The following LUZP2 variants were observed in gnomAD, a reference collection of about 807,000 sequenced individuals.
The protein encoded by LUZP2 is leucine zipper protein 2.
A neutral mutation model predicts 51.6 loss-of-function variants in LUZP2; 52 were observed. The observed-to-expected ratio is 1.01, with a 90% CI of 0.81 to 1.27. LUZP2 has a LOEUF of 1.27. LUZP2 is among the 50% of genes most tolerant of loss of function. The probability of loss-of-function intolerance (pLI) is 0.00; values close to 1 mark genes in which losing one functional copy is unlikely to be tolerated. For missense variants in LUZP2, 436 were observed against 395.4 expected (o/e 1.10, Z -0.87); for synonymous variants, 154 against 137.3 (o/e 1.12, Z -0.85).
At chr11:24,661,743 T>C (rs148613653) in intron 1 of LUZP2, among the ~76,000 whole-genome samples, 18 of 152,288 alleles carry the variant, frequency 1.2e-4, no homozygotes, top group African/African-American at 4.1e-4. Flanking sequence ...AAAGCTTTTA[T>C]AAATATGGTG....
chr11:25,032,788 G>C (rs1314637406), intron 9 of LUZP2, among the ~76,000 whole-genome samples: 1 of 152,156 alleles, frequency 6.6e-6, no homozygotes, highest in African/African-American at 2.4e-5. Flanking sequence ...CCCATAGTTT[G>C]TTGCAAGGGG....
chr11:25,067,818 T>C (rs1282094948), intron 10 of LUZP2, among the ~76,000 whole-genome samples: 4 of 151,858 alleles, frequency 2.6e-5, no homozygotes, highest in Non-Finnish European at 4.4e-5. Flanking sequence ...CCCATTACTA[T>C]GTACCCGAAG....
At chr11:24,840,480 G>A (rs181792374) in intron 5 of LUZP2, among the ~76,000 whole-genome samples, 2 of 151,906 alleles carry the variant, frequency 1.3e-5, no homozygotes, top group Admixed American at 1.3e-4. Context: ...TTTGTAGATG[G>A]GAAAGCACTA....
At position 24,514,221 on chromosome 11, in the gene LUZP2, T is replaced by C. The variant is rs377713824; in HGVS notation, c.62+16916T>C. ...GAGTAACTAGTTGGTTGTGTGTGTG[T>C]GTGTTTTCTTTTCTGGCAATTAAAA... is the stretch of plus-strand genomic sequence containing the variant. On this transcript the variant is annotated intron_variant, in intron 1 of 11. Transcript: ENST00000336930. Among the ~76,000 whole-genome samples, 11 of 152,282 alleles carry C rather than the reference T, an allele frequency of 7.2e-5. 1 individual carries two copies. The highest frequency in any genetic ancestry group is 2.4e-4 in the African/African-American group (10 of 41,554).
At chr11:25,060,828 T>C (rs1009282543) in intron 10 of LUZP2, among the ~76,000 whole-genome samples, 4 of 152,186 alleles carry the variant, frequency 2.6e-5, no homozygotes, top group African/African-American at 9.6e-5. Context: ...ATTCCTCTTC[T>C]TGTTTCTTCC....
At chr11:24,522,351 T>A (rs1850668570) in intron 1 of LUZP2, among the ~76,000 whole-genome samples, 1 of 152,142 alleles carries the variant, frequency 6.6e-6, no homozygotes, top group Non-Finnish European at 1.5e-5. Flanking sequence ...TTTTTGTTTT[T>A]TTGCTTTTTT....
chr11:24,509,913 A>G (rs1206313508), intron 1 of LUZP2, among the ~76,000 whole-genome samples: 1 of 152,176 alleles, frequency 6.6e-6, no homozygotes, highest in African/African-American at 2.4e-5. Context: ...CATAACATTA[A>G]GTGAATTCTC....
chr11:24,963,177 G>A (rs1299473505), intron 7 of LUZP2, among the ~76,000 whole-genome samples: 9 of 152,284 alleles, frequency 5.9e-5, no homozygotes, highest in South Asian at 4.1e-4. Flanking sequence ...CCCCTACTGG[G>A]GGGTACCTCC....
intron 1 of LUZP2, among the ~76,000 whole-genome samples, chr11:24,635,727 C>T (rs1855076794): frequency 6.6e-6 from 1 of 151,970 alleles, no homozygotes; most frequent in African/African-American, 2.4e-5. Flanking sequence ...GCTGTCAGAC[C>T]CTGTGAAACT....
intron 1 of LUZP2, among the ~76,000 whole-genome samples, chr11:24,676,548 TAGGA>T (rs1856557670): frequency 6.6e-6 from 1 of 152,150 alleles, no homozygotes; most frequent in Non-Finnish European, 1.5e-5. Context: ...CTGTTACAAA[TAGGA>T]TCAGATAATT....
At chr11:24,587,073 T>C (rs1853092649) in intron 1 of LUZP2, among the ~76,000 whole-genome samples, 1 of 152,140 alleles carries the variant, frequency 6.6e-6, no homozygotes, top group Non-Finnish European at 1.5e-5. Flanking sequence ...ATGACTACTT[T>C]CCTTGCAGAA....
At chr11:24,678,247 C>T (rs769098532) in intron 1 of LUZP2, among the ~76,000 whole-genome samples, 11 of 152,080 alleles carry the variant, frequency 7.2e-5, no homozygotes, top group Non-Finnish European at 1.0e-4. Context: ...CCATTCAATA[C>T]GTTTTTGTAT....
chr11:24,758,324 C>CGTGTGT lies in LUZP2; in HGVS notation c.334-4903_334-4898dup, dbSNP rs34105960. Among the ~76,000 whole-genome samples the CGTGTGT allele has an allele frequency of 5.1e-4, 76 of 148,220 alleles. No homozygotes were observed. In the South Asian group the frequency reaches 5.3e-3, roughly 10 times the overall value. ...CTTTAACTAATGTGGGAATGACTTG[C>CGTGTGT]GTGTGTGTGTGTGTGTGTGTGTGTA... is the stretch of plus-strand genomic sequence containing the variant. On this transcript the variant is annotated intron_variant, in intron 4 of 11. Coordinates refer to ENST00000336930, the MANE Select transcript of LUZP2 (RefSeq NM_001009909.4).
intron 3 of LUZP2, among the ~76,000 whole-genome samples, chr11:24,735,258 G>A (rs76081306): frequency 0.029 from 4,372 of 151,848 alleles, 209 homozygotes; most frequent in African/African-American, 0.1. Context: ...TGAGCGTCAC[G>A]TTTCAGGAAT....
At chr11:25,040,343 A>ATTTTTTTGTTTTTTTTTTTT (rs1858012348) in intron 9 of LUZP2, among the ~76,000 whole-genome samples, 1 of 98,828 alleles carries the variant, frequency 1.0e-5, no homozygotes, top group African/African-American at 5.8e-5. Flanking sequence ...TTTCTTTCCG[A>ATTTTTTTGTTTTTTTTTTTT]TTTTTTTTTT....
At chr11:24,756,543 CT>C (rs1239323765) in intron 4 of LUZP2, among the ~76,000 whole-genome samples, 3 of 152,138 alleles carry the variant, frequency 2.0e-5, no homozygotes, top group South Asian at 2.1e-4. Context: ...ACCCCCTGCT[CT>C]TTTATTATTT....
chr11:25,049,090 G>T (rs1858406929), intron 9 of LUZP2, among the ~76,000 whole-genome samples: 1 of 152,144 alleles, frequency 6.6e-6, no homozygotes, highest in African/African-American at 2.4e-5. Flanking sequence ...CCAGGAGAAT[G>T]CTGTGTAGAA....
At chr11:24,847,527 C>T (rs1851238423) in intron 5 of LUZP2, among the ~76,000 whole-genome samples, 1 of 152,136 alleles carries the variant, frequency 6.6e-6, no homozygotes, top group Non-Finnish European at 1.5e-5. Context: ...TTACTGGAGG[C>T]ACATTATGTA....
chr11:24,527,561 T>A lies in LUZP2; in HGVS notation c.62+30256T>A, dbSNP rs1437776679. Reference sequence around the variant, plus strand: ...ATTGTTAAATAAGAATCTCTCTCTCTCTCTCTCACACACACACACACACAC... The same window carrying A: ...ATTGTTAAATAAGAATCTCTCTCTCACTCTCTCACACACACACACACACAC... On this transcript the variant is annotated intron_variant, in intron 1 of 11. Transcript: ENST00000336930. Among the ~76,000 whole-genome samples, 844 of 122,524 alleles carry A rather than the reference T, an allele frequency of 6.9e-3. 12 individuals carry two copies. The highest frequency in any genetic ancestry group is 0.049 in the Admixed American group (602 of 12,164). 80.4% of individuals were successfully genotyped at this position (122,524 alleles called of 152,430 possible).
Sources: gnomAD v4.1 joint callset for allele counts (sites outside exome capture counted in the v4.1 genomes callset) on GRCh38, gnomAD v4.1.1 for gene constraint, MANE v1.5 for transcripts, NCBI Gene and HGNC (gene_info 2026-07-23, HGNC 2026-07-21) for gene names.